Variants in MGAT4C observed in about 807,000 individuals in gnomAD.
MGAT4C encodes MGAT4 family member C.
A neutral mutation model predicts 40.1 loss-of-function variants in MGAT4C; 19 were observed. The ratio of observed to expected loss-of-function variants is 0.47; its 90% CI spans 0.33 to 0.70. MGAT4C has a LOEUF of 0.70. MGAT4C is among the 30% of genes least tolerant of loss of function. The pLI, the probability that MGAT4C is intolerant of heterozygous loss-of-function variation, is 0.02. For missense variants in MGAT4C, 491 were observed against 563.2 expected (o/e 0.87, Z 1.30); for synonymous variants, 181 against 187.1 (o/e 0.97, Z 0.27).
chr12:86,604,839 A>G (rs1223636240), intron 2 of MGAT4C, among the ~76,000 whole-genome samples: 1 of 152,178 alleles, frequency 6.6e-6, no homozygotes, highest in East Asian at 1.9e-4. Flanking sequence ...AGCAAACAAG[A>G]AAAAAGCTTC....
chr12:86,798,088 C>T (rs1487238872), intron 1 of MGAT4C, among the ~76,000 whole-genome samples: 1 of 151,802 alleles, frequency 6.6e-6, no homozygotes, highest in Non-Finnish European at 1.5e-5. Flanking sequence ...TATATTTTCC[C>T]TACATACAAC....
At chr12:86,685,658 C>A (rs1350365823) in intron 2 of MGAT4C, among the ~76,000 whole-genome samples, 1 of 152,132 alleles carries the variant, frequency 6.6e-6, no homozygotes, top group Non-Finnish European at 1.5e-5. Flanking sequence ...TCTTTCTCTC[C>A]ATGAGCATGA....
At chr12:86,248,182 G>C (rs1049234983) in intron 1 of MGAT4C, among the ~76,000 whole-genome samples, 1 of 149,956 alleles carries the variant, frequency 6.7e-6, no homozygotes, top group Non-Finnish European at 1.5e-5. Context: ...CACAAAGAAA[G>C]AACCTAGTTT....
intron 2 of MGAT4C, among the ~76,000 whole-genome samples, chr12:86,537,530 G>T (rs1165069514): frequency 6.6e-6 from 1 of 151,992 alleles, no homozygotes; most frequent in Non-Finnish European, 1.5e-5. Flanking sequence ...AAAAAGTGAA[G>T]AAATAAATAA....
Position 86,214,860 on chromosome 12 carries a change from G to T in MGAT4C, c.-57+41379C>A, listed in dbSNP as rs191293639. ...AATACTTGAAACATAACAAACATAC[G>T]CAATGGACATTCGTTGAATGATAAA... On this transcript the variant is annotated intron_variant, in intron 1 of 4. Coordinates refer to ENST00000611864, the MANE Select transcript of MGAT4C (RefSeq NM_001351288.2). 2.0e-5 allele frequency among the ~76,000 whole-genome samples: 3 copies of T among 152,134 alleles called. No homozygotes were observed. The Middle Eastern group carries it at 0.01, about 517-fold the overall frequency.
chr12:86,464,183 T>A (rs1405660743), intron 2 of MGAT4C, among the ~76,000 whole-genome samples: 1 of 152,156 alleles, frequency 6.6e-6, no homozygotes, highest in African/African-American at 2.4e-5. Flanking sequence ...TGATTCCAAA[T>A]AAAGTTTACT....
At position 86,631,488 on chromosome 12, in the gene MGAT4C, TA is replaced by T. The variant is rs1188473750; in HGVS notation, c.-229+95720del. ...AAGAGCAAAGCTGGAGGCATCATGC[TA>T]CCTGACTTCAAACTATACTACAAGG... On this transcript the variant is annotated intron_variant, in intron 2 of 7. Coordinates refer to the MGAT4C transcript ENST00000548651. Among the ~76,000 whole-genome samples, 2 of 152,068 alleles carry T rather than the reference TA, an allele frequency of 1.3e-5. 1 individual carries two copies. Among genetic ancestry groups the T allele is most frequent in the Non-Finnish European group, 2.9e-5 (2 of 68,034 alleles).
intron 2 of MGAT4C, among the ~76,000 whole-genome samples, chr12:86,458,663 G>T (rs1226874270): frequency 2.0e-5 from 3 of 152,168 alleles, no homozygotes; most frequent in Non-Finnish European, 4.4e-5. Context: ...TATAACCTAT[G>T]CACATGGAAT....
At chr12:86,260,299 A>T (rs1952633110), upstream of MGAT4C, among the ~76,000 whole-genome samples, 1 of 152,044 alleles carries the variant, frequency 6.6e-6, no homozygotes. Flanking sequence ...CTCCCACTGA[A>T]AGTAAGCACA....
chr12:86,525,098 C>A (rs561466011), intron 2 of MGAT4C, among the ~76,000 whole-genome samples: 1 of 152,124 alleles, frequency 6.6e-6, no homozygotes, highest in Non-Finnish European at 1.5e-5. Flanking sequence ...GCTCTGTGGA[C>A]CCACTCAAAC....
At chr12:86,399,311 C>G (rs942095467) in intron 3 of MGAT4C, among the ~76,000 whole-genome samples, 1 of 150,894 alleles carries the variant, frequency 6.6e-6, no homozygotes, top group Non-Finnish European at 1.5e-5. Flanking sequence ...TTGAGACAGT[C>G]TTGCTCTATC....
At chr12:86,283,205 A>T (rs1258482244) in intron 4 of MGAT4C, among the ~76,000 whole-genome samples, 1 of 151,070 alleles carries the variant, frequency 6.6e-6, no homozygotes, top group East Asian at 1.9e-4. Context: ...AAAAAAAAAA[A>T]TTCTTCCAAA....
At chr12:86,560,466 T>C (rs1302037548) in intron 2 of MGAT4C, among the ~76,000 whole-genome samples, 1 of 151,848 alleles carries the variant, frequency 6.6e-6, no homozygotes, top group Non-Finnish European at 1.5e-5. Flanking sequence ...TTCCACGAAT[T>C]CAAGGATGGT....
intron 1 of MGAT4C, among the ~76,000 whole-genome samples, chr12:86,120,553 G>C: frequency 6.6e-6 from 1 of 152,158 alleles, no homozygotes; most frequent in East Asian, 1.9e-4. Flanking sequence ...TCCAGAGGAA[G>C]AATCAGGCAG....
chr12:86,494,195 C>T (rs769816579), intron 2 of MGAT4C, among the ~76,000 whole-genome samples: 40 of 151,828 alleles, frequency 2.6e-4, no homozygotes, highest in Non-Finnish European at 4.6e-4. Flanking sequence ...ATTTTCCATT[C>T]TTGAATATGT....
At chr12:86,429,322 A>G (rs994049508) in intron 3 of MGAT4C, among the ~76,000 whole-genome samples, 1 of 152,192 alleles carries the variant, frequency 6.6e-6, no homozygotes, top group African/African-American at 2.4e-5. Flanking sequence ...TTTAGAAAAT[A>G]TACTTGATAT....
chr12:86,367,883 G>A (rs1482221044), intron 3 of MGAT4C, among the ~76,000 whole-genome samples: 1 of 152,098 alleles, frequency 6.6e-6, no homozygotes, highest in Non-Finnish European at 1.5e-5. Flanking sequence ...CTAAGAGAGT[G>A]GGCTCCGACC....
At chr12:86,505,217 A>AT (rs1958451605) in intron 2 of MGAT4C, among the ~76,000 whole-genome samples, 1 of 152,160 alleles carries the variant, frequency 6.6e-6, no homozygotes, top group Admixed American at 6.6e-5. Flanking sequence ...GAAAAAAAAA[A>AT]TCCTGGCTAG....
At chr12:86,468,134 T>C (rs1957707902) in intron 2 of MGAT4C, among the ~76,000 whole-genome samples, 1 of 152,098 alleles carries the variant, frequency 6.6e-6, no homozygotes. Flanking sequence ...TCTTGGCTTT[T>C]CCACTAAATA....
Sources: gnomAD v4.1 joint callset for allele counts (sites outside exome capture counted in the v4.1 genomes callset) on GRCh38, gnomAD v4.1.1 for gene constraint, MANE v1.5 for transcripts, NCBI Gene and HGNC (gene_info 2026-07-23, HGNC 2026-07-21) for gene names.